Variants in PPP3CC observed in about 807,000 individuals in gnomAD.
PPP3CC encodes the protein protein phosphatase 3 catalytic subunit gamma, also known as serine/threonine-protein phosphatase 2B catalytic subunit gamma isoform.
PPP3CC carries 35 observed loss-of-function variants against 60.3 expected under a neutral mutation model. The observed-to-expected ratio is 0.58, with a 90% CI of 0.44 to 0.77. The LOEUF (loss-of-function observed/expected upper bound fraction) is 0.77, where lower values mean the gene tolerates loss of function less well. Ranked by LOEUF, PPP3CC falls within the 30% of genes least tolerant of loss-of-function variation. The probability of loss-of-function intolerance (pLI) is 0.00; values close to 1 mark genes in which losing one functional copy is unlikely to be tolerated. For synonymous variants in PPP3CC, 206 were observed against 224.3 expected (o/e 0.92, Z 0.73); for missense variants, 570 against 628.9 (o/e 0.91, Z 1.00).
intron 4 of PPP3CC, 49 bp from the exon 5 acceptor site, chr8:22,511,037 A>G: frequency 6.3e-7 from 1 of 1,583,120 alleles, no homozygotes; most frequent in Non-Finnish European, 8.7e-7. Context: ...CCTTTTTCAA[A>G]TGTGATACGT....
At chr8:22,446,025 C>G (rs779384570) in intron 1 of PPP3CC, among the ~76,000 whole-genome samples, 57 of 152,276 alleles carry the variant, frequency 3.7e-4, no homozygotes, top group Non-Finnish European at 6.3e-4. Flanking sequence ...TATTTATGGT[C>G]TGACATTTGA....
intron 3 of PPP3CC, among the ~76,000 whole-genome samples, chr8:22,481,410 G>T (rs1838066103): frequency 6.7e-6 from 1 of 150,154 alleles, no homozygotes; most frequent in Non-Finnish European, 1.5e-5. Context: ...AGTGATAAAA[G>T]ATTTCCAAAG....
intron 1 of PPP3CC, among the ~76,000 whole-genome samples, chr8:22,465,044 A>G (rs1160335109): frequency 1.4e-5 from 2 of 147,858 alleles, no homozygotes; most frequent in Non-Finnish European, 3.0e-5. Context: ...TGCAGCCTCG[A>G]CTTCCTGGGC....
intron 3 of PPP3CC, chr8:22,492,749 CAGTTCTCCTTAAAGAAGTTAGAGGT>C: frequency 9.8e-7 from 1 of 1,021,756 alleles, no homozygotes; most frequent in Non-Finnish European, 1.5e-6. Flanking sequence ...TAAAAAACTT[CAGTTCTCCTTAAAGAAGTTAGAGGT>C]AAACAATGTC....
intron 3 of PPP3CC, among the ~76,000 whole-genome samples, chr8:22,490,013 C>T (rs766400656): frequency 6.6e-6 from 1 of 151,262 alleles, no homozygotes; most frequent in African/African-American, 2.4e-5. Context: ...TTAGTAGAGA[C>T]GAGGTTTCAC....
At chr8:22,450,623 C>T (rs1836982966) in intron 1 of PPP3CC, among the ~76,000 whole-genome samples, 2 of 152,144 alleles carry the variant, frequency 1.3e-5, no homozygotes, top group South Asian at 2.1e-4. Context: ...ACGCTGTCAT[C>T]GTGATCTGTG....
intron 1 of PPP3CC, among the ~76,000 whole-genome samples, chr8:22,452,255 G>T (rs907284102): frequency 6.6e-6 from 1 of 151,932 alleles, no homozygotes; most frequent in Non-Finnish European, 1.5e-5. Flanking sequence ...GCCCAGCCTG[G>T]TCTCAAACTC....
chr8:22,486,060 CTCTTGACTCTGTTT>C (rs11267952), intron 3 of PPP3CC, among the ~76,000 whole-genome samples: 4,250 of 152,236 alleles, frequency 0.028, 127 homozygotes, highest in East Asian at 0.085. Flanking sequence ...CCCCCCCGCC[CTCTTGACTCTGTTT>C]TAGTTGGGTA....
chr8:22,479,221 T>C (rs1233655986), intron 3 of PPP3CC, among the ~76,000 whole-genome samples: 1 of 151,694 alleles, frequency 6.6e-6, no homozygotes, highest in African/African-American at 2.4e-5. Context: ...ATTAAAATTT[T>C]TTGTTATAAA....
At chr8:22,449,440 C>A (rs1397355624) in intron 1 of PPP3CC, among the ~76,000 whole-genome samples, 2 of 115,110 alleles carry the variant, frequency 1.7e-5, no homozygotes, top group African/African-American at 7.3e-5. Context: ...TGACTGAGAC[C>A]CCATCTCAAA....
intron 1 of PPP3CC, among the ~76,000 whole-genome samples, chr8:22,457,549 C>G (rs1393720425): frequency 6.6e-6 from 1 of 151,210 alleles, no homozygotes; most frequent in Non-Finnish European, 1.5e-5. Flanking sequence ...CTCAAGCGAT[C>G]CATCTGCTTC....
At chr8:22,524,294 A>G (rs1173552745) in intron 8 of PPP3CC, among the ~76,000 whole-genome samples, 1 of 152,194 alleles carries the variant, frequency 6.6e-6, no homozygotes, top group Non-Finnish European at 1.5e-5. Flanking sequence ...TGGCCAAAAT[A>G]TAATTAATAT....
intron 1 of PPP3CC, among the ~76,000 whole-genome samples, chr8:22,443,741 A>G (rs1376408834): frequency 6.6e-6 from 1 of 152,226 alleles, no homozygotes; most frequent in Non-Finnish European, 1.5e-5. Context: ...ACTTCGGCAT[A>G]AGAGCTTGAC....
chr8:22,537,591 G>A (rs576962024), intron 12 of PPP3CC, among the ~76,000 whole-genome samples: 1 of 152,058 alleles, frequency 6.6e-6, no homozygotes, highest in Non-Finnish European at 1.5e-5. Context: ...ATATGTCCTC[G>A]CAAAAACTTG....
chr8:22,482,456 T>C (rs1838097626), intron 3 of PPP3CC, among the ~76,000 whole-genome samples: 1 of 152,226 alleles, frequency 6.6e-6, no homozygotes, highest in African/African-American at 2.4e-5. Context: ...ATGGATAGAT[T>C]GCAAAAATTT....
At chr8:22,517,143 C>T (rs572294365) in intron 6 of PPP3CC, among the ~76,000 whole-genome samples, 2 of 152,290 alleles carry the variant, frequency 1.3e-5, no homozygotes, top group Admixed American at 6.5e-5. Flanking sequence ...AAAAATTTGA[C>T]TCACCCAGCA....
intron 10 of PPP3CC, among the ~76,000 whole-genome samples, chr8:22,529,471 C>T (rs773028709): frequency 6.6e-6 from 1 of 151,998 alleles, no homozygotes; most frequent in Non-Finnish European, 1.5e-5. Flanking sequence ...TCTTTTGTGA[C>T]TTGTCAATTC....
chr8:22,473,033 T>G (rs1837777467), intron 1 of PPP3CC, among the ~76,000 whole-genome samples: 1 of 152,162 alleles, frequency 6.6e-6, no homozygotes, highest in African/African-American at 2.4e-5. Context: ...GCTGCTATCG[T>G]TTTTTCAGTG....
rs868229086 is a variant in PPP3CC at position 22,441,435 on chromosome 8, C to A, written c.26C>A (p.Ser9Tyr). 1.3e-6 allele frequency: 2 copies of A among 1,547,374 alleles called. No homozygotes were observed. Among genetic ancestry groups the A allele is most frequent in the East Asian group, 2.4e-5 (1 of 40,820 alleles). MSGRRFHL[S>Y]TTDRVIKAVP... Reference sequence around the variant, plus strand: ...ATGTCCGGGAGGCGCTTCCACCTCTCCACCACCGACCGCGTCATCAAAGGT... The same window carrying A: ...ATGTCCGGGAGGCGCTTCCACCTCTACACCACCGACCGCGTCATCAAAGGT... Residue 9 changes from serine (S) to tyrosine (Y), a missense_variant, in exon 1 of 14, where the codon TCC (serine) becomes TAC (tyrosine). Ser to Tyr is a moderately radical substitution (Grantham distance 144). Coordinates refer to ENST00000240139, the MANE Select transcript of PPP3CC (RefSeq NM_005605.5).
Sources: gnomAD v4.1 joint callset for allele counts (sites outside exome capture counted in the v4.1 genomes callset) on GRCh38, gnomAD v4.1.1 for gene constraint, MANE v1.5 for transcripts, NCBI Gene and HGNC (gene_info 2026-07-23, HGNC 2026-07-21) for gene names.